RYR3: variants seen among roughly 807,000 people sequenced by gnomAD.
The protein encoded by RYR3 is ryanodine receptor 3, also known as brain ryanodine receptor-calcium release channel.
In RYR3, 207 loss-of-function variants were observed where a neutral mutation model predicts 584.3. The observed-to-expected ratio is 0.35, with a 90% CI of 0.32 to 0.40. RYR3 has a LOEUF of 0.40. RYR3 is among the 10% of genes least tolerant of loss of function. The pLI, the probability that RYR3 is intolerant of heterozygous loss-of-function variation, is 1.00. For synonymous variants in RYR3, 2,416 were observed against 2,248.5 expected, an observed-to-expected ratio of 1.07 and a Z score of -2.11; for missense variants, 5,616 against 6,089.2, an observed-to-expected ratio of 0.92 and a Z score of 2.59.
chr15:33,666,270 C>A (rs2063489962), intron 36 of RYR3, among the ~76,000 whole-genome samples: 1 of 152,186 alleles, frequency 6.6e-6, no homozygotes, highest in Non-Finnish European at 1.5e-5. Flanking sequence ...TCCCCAAGTG[C>A]TGGGATTACA....
intron 2 of RYR3, among the ~76,000 whole-genome samples, chr15:33,495,655 A>G (rs2051352684): frequency 1.3e-5 from 2 of 152,150 alleles, no homozygotes; most frequent in African/African-American, 4.8e-5. Flanking sequence ...CACCTCTAAT[A>G]TGGTTGTACA....
chr15:33,607,602 A>G (rs1180225223), intron 18 of RYR3, among the ~76,000 whole-genome samples: 1 of 152,234 alleles, frequency 6.6e-6, no homozygotes, highest in Admixed American at 6.5e-5. Context: ...AGGGTCAAAT[A>G]CATTAAACAT....
intron 1 of RYR3, among the ~76,000 whole-genome samples, chr15:33,432,696 G>GTGTGTGTGTGTGTGTGTT (rs71415517): frequency 6.7e-6 from 1 of 148,644 alleles, no homozygotes; most frequent in Non-Finnish European, 1.5e-5. Context: ...GTGTGTGTGT[G>GTGTGTGTGTGTGTGTGTT]TTTAAAGTAG....
At chr15:33,366,043 C>T (rs915419214) in intron 1 of RYR3, among the ~76,000 whole-genome samples, 1 of 152,036 alleles carries the variant, frequency 6.6e-6, no homozygotes, top group Non-Finnish European at 1.5e-5. Flanking sequence ...GTAAACTGAA[C>T]GATATGAGAA....
chr15:33,446,163 C>T (rs2141925295), intron 1 of RYR3, among the ~76,000 whole-genome samples: 1 of 152,204 alleles, frequency 6.6e-6, no homozygotes, highest in East Asian at 1.9e-4. Flanking sequence ...GTTTAATTAC[C>T]ACTGACCTCA....
At chr15:33,687,242 T>C (rs1363941652) in intron 38 of RYR3, among the ~76,000 whole-genome samples, 1 of 152,130 alleles carries the variant, frequency 6.6e-6, no homozygotes, top group Non-Finnish European at 1.5e-5. Flanking sequence ...AATCCATGTG[T>C]AAAAATCACA....
Position 33,749,585 on chromosome 15 carries a change from A to G in RYR3, c.8200-394A>G, listed in dbSNP as rs539791109. On this transcript the variant is annotated intron_variant, in intron 55 of 103. Transcript: ENST00000634891. ...GTGATTATTTTTAGTTTGTTAAGCTATAGGCTTTCGGGGGTTCTAGACTTT... is the reference window on the plus strand; with the variant it reads ...GTGATTATTTTTAGTTTGTTAAGCTGTAGGCTTTCGGGGGTTCTAGACTTT... Among the ~76,000 whole-genome samples the G allele has an allele frequency of 5.3e-5, 8 of 152,288 alleles. No individual in the cohort carries two copies. The South Asian group carries it at 1.2e-3, about 24-fold the overall frequency.
chr15:33,863,644 T>G (rs1019944997), intron 102 of RYR3, among the ~76,000 whole-genome samples: 4 of 152,218 alleles, frequency 2.6e-5, no homozygotes, highest in Non-Finnish European at 5.9e-5. Flanking sequence ...TTCCCGCAGC[T>G]ATTTATGATG....
intron 1 of RYR3, among the ~76,000 whole-genome samples, chr15:33,451,770 T>C (rs1203753959): frequency 2.6e-5 from 4 of 152,254 alleles, no homozygotes; most frequent in Non-Finnish European, 4.4e-5. Context: ...TTCTGCTTTA[T>C]AGTTTATAGG....
chr15:33,746,224 A>T, intron 53 of RYR3, 67 bp downstream of exon 53: 1 of 1,060,676 alleles, frequency 9.4e-7, no homozygotes, highest in Non-Finnish European at 1.4e-6. Flanking sequence ...ATTTTATCAG[A>T]GGAGTTCAGA....
intron 64 of RYR3, among the ~76,000 whole-genome samples, chr15:33,775,353 T>A (rs2073927021): frequency 6.6e-6 from 1 of 151,996 alleles, no homozygotes; most frequent in African/African-American, 2.4e-5. Flanking sequence ...TGTGTGTGCT[T>A]GTGTGTTTTA....
rs541651706 is a variant in RYR3 at position 33,613,731 on chromosome 15, A to C, written c.2357+356A>C. On this transcript the variant is annotated intron_variant, in intron 19 of 103. Coordinates refer to ENST00000634891, the MANE Select transcript of RYR3 (RefSeq NM_001036.6). ...ACCTATGATTCCAATGGTTAGCTAT[A>C]ATCTCTATTAATACTTTGGCATATT... 3.9e-5 allele frequency among the ~76,000 whole-genome samples: 6 copies of C among 152,358 alleles called. No individual in the cohort carries two copies. In the East Asian group the frequency reaches 7.7e-4, roughly 20 times the overall value.
intron 87 of RYR3, among the ~76,000 whole-genome samples, chr15:33,835,510 C>T (rs11858923): frequency 1.0e-3 from 159 of 152,286 alleles, no homozygotes; most frequent in African/African-American, 3.6e-3. Context: ...CTCTCCTTCT[C>T]ACTCCCCATC....
chr15:33,676,022 A>G (rs1485791109), intron 38 of RYR3, among the ~76,000 whole-genome samples: 1 of 152,048 alleles, frequency 6.6e-6, no homozygotes, highest in Non-Finnish European at 1.5e-5. Flanking sequence ...GAACCTGTGG[A>G]TATGTTAGGT....
chr15:33,540,688 AC>A, intron 6 of RYR3, 102 bp from the exon 7 acceptor site: 1 of 706,822 alleles, frequency 1.4e-6, no homozygotes, highest in Admixed American at 2.0e-5. Flanking sequence ...GAACCAGATG[AC>A]AGTAAGGCTG....
chr15:33,862,596 G>C (rs1462745278), intron 102 of RYR3, among the ~76,000 whole-genome samples: 1 of 152,132 alleles, frequency 6.6e-6, no homozygotes, highest in Non-Finnish European at 1.5e-5. Context: ...TGGGGGATGA[G>C]TTTAAGTCAA....
intron 38 of RYR3, among the ~76,000 whole-genome samples, chr15:33,674,763 A>G (rs1185396604): frequency 1.3e-5 from 2 of 149,384 alleles, no homozygotes; most frequent in Non-Finnish European, 3.0e-5. Context: ...ATGGATGGAT[A>G]AAATAAGAAG....
chr15:33,444,223 C>T (rs1312261223), intron 1 of RYR3, among the ~76,000 whole-genome samples: 1 of 152,132 alleles, frequency 6.6e-6, no homozygotes, highest in East Asian at 1.9e-4. Context: ...ACAGGTGACA[C>T]TAATTATTCT....
At chr15:33,441,663 A>G (rs1281957851) in intron 1 of RYR3, among the ~76,000 whole-genome samples, 3 of 152,186 alleles carry the variant, frequency 2.0e-5, no homozygotes, top group Non-Finnish European at 4.4e-5. Context: ...AGCTTACAAA[A>G]TGTTCATTCC....
Sources: allele counts gnomAD v4.1 joint callset (sites outside exome capture counted in the v4.1 genomes callset), GRCh38; gene constraint gnomAD v4.1.1; transcripts MANE v1.5; gene names NCBI Gene and HGNC (gene_info 2026-07-23, HGNC 2026-07-21).